The following LRRC7 variants were observed in gnomAD, a reference collection of about 807,000 sequenced individuals.
LRRC7 encodes the protein leucine-rich repeat-containing protein 7.
Under a neutral mutation model 175.7 loss-of-function variants are expected in LRRC7, and 23 were observed. That is an observed-to-expected ratio of 0.13 (90% CI 0.09 to 0.19). The LOEUF (loss-of-function observed/expected upper bound fraction) is 0.19. LRRC7 is among the 10% of genes least tolerant of loss of function. The pLI, the probability that LRRC7 is intolerant of heterozygous loss-of-function variation, is 1.00. For missense variants in LRRC7, 1,354 were observed against 1,904.7 expected (o/e 0.71, Z 5.38); for synonymous variants, 685 against 680.9 (o/e 1.01, Z -0.09).
At chr1:69,751,338 A>C (rs1344249787) in intron 2 of LRRC7, among the ~76,000 whole-genome samples, 1 of 152,158 alleles carries the variant, frequency 6.6e-6, no homozygotes, top group East Asian at 1.9e-4. Flanking sequence ...TATTTATTAC[A>C]TGTCTAGAAA....
chr1:69,760,678 G>C (rs1379868081), intron 3 of LRRC7, among the ~76,000 whole-genome samples: 4 of 151,830 alleles, frequency 2.6e-5, no homozygotes, highest in African/African-American at 9.7e-5. Flanking sequence ...ATAGAGTAGA[G>C]GGTTGAGATC....
At chr1:69,679,950 G>T (rs1302591353) in intron 2 of LRRC7, among the ~76,000 whole-genome samples, 1 of 151,996 alleles carries the variant, frequency 6.6e-6, no homozygotes, top group African/African-American at 2.4e-5. Context: ...TTTATTTATT[G>T]TATATTATGC....
chr1:69,932,249 C>G (rs376060527), intron 8 of LRRC7, among the ~76,000 whole-genome samples: 9 of 152,242 alleles, frequency 5.9e-5, no homozygotes, highest in African/African-American at 1.9e-4. Context: ...TCAAAAAATT[C>G]AATTCATCTA....
intron 2 of LRRC7, among the ~76,000 whole-genome samples, chr1:69,693,640 C>G (rs1662190899): frequency 6.6e-6 from 1 of 152,078 alleles, no homozygotes; most frequent in Non-Finnish European, 1.5e-5. Flanking sequence ...AAATGTTAAT[C>G]TCATCCAAAA....
rs556322805 is a variant in LRRC7, at chr1:69,718,845, G to A, written c.100+40367G>A. On this transcript the variant is annotated intron_variant, in intron 2 of 26. Transcript: ENST00000651989. ...TGAAAATTCTAGGAGAATGATTGAG[G>A]GAAAAAAAGCTTTTGGATATTGCAA... Among the ~76,000 whole-genome samples, 10 of 151,758 alleles carry A rather than the reference G, an allele frequency of 6.6e-5. No homozygotes were observed. The East Asian group carries it at 1.9e-3, about 29-fold the overall frequency.
At chr1:69,923,907 G>A (rs1322800766) in intron 7 of LRRC7, among the ~76,000 whole-genome samples, 14 of 151,758 alleles carry the variant, frequency 9.2e-5, no homozygotes, top group Non-Finnish European at 1.9e-4. Flanking sequence ...TAATGCCTAG[G>A]TTTTCTTCTA....
chr1:69,696,569 G>A (rs1662612803), intron 2 of LRRC7, among the ~76,000 whole-genome samples: 1 of 152,056 alleles, frequency 6.6e-6, no homozygotes. Context: ...AGGGACAGGA[G>A]TGGAATGATA....
intron 23 of LRRC7, among the ~76,000 whole-genome samples, chr1:70,064,020 C>G (rs1180074625): frequency 6.6e-6 from 1 of 151,988 alleles, no homozygotes; most frequent in Non-Finnish European, 1.5e-5. Context: ...ATTGGAGACA[C>G]TGAAGTATAT....
intron 1 of LRRC7, among the ~76,000 whole-genome samples, chr1:69,626,179 G>C (rs959105228): frequency 5.9e-5 from 9 of 151,974 alleles, no homozygotes; most frequent in Admixed American, 2.6e-4. Flanking sequence ...TATTTCTAGG[G>C]TGTAACCCTC....
intron 8 of LRRC7, among the ~76,000 whole-genome samples, chr1:69,959,774 T>C (rs1650860179): frequency 6.6e-6 from 1 of 152,050 alleles, no homozygotes; most frequent in Non-Finnish European, 1.5e-5. Flanking sequence ...AGGGATCAGG[T>C]GAACGGTCTT....
chr1:69,879,212 TAAAAAAAAAA>T (rs201332183), intron 7 of LRRC7, among the ~76,000 whole-genome samples: 2 of 91,958 alleles, frequency 2.2e-5, no homozygotes, highest in Admixed American at 1.3e-4. Flanking sequence ...AAAACTGCTT[TAAAAAAAAAA>T]AAAAAAAAAA....
chr1:69,932,061 A>T (rs1446229538), intron 8 of LRRC7, among the ~76,000 whole-genome samples: 1 of 152,184 alleles, frequency 6.6e-6, no homozygotes, highest in Non-Finnish European at 1.5e-5. Flanking sequence ...GTGAACCCAT[A>T]TTACTACTTC....
At chr1:69,792,186 T>C (rs1379188944) in intron 4 of LRRC7, 26 bp downstream of exon 4, 4 of 1,279,022 alleles carry the variant, frequency 3.1e-6, no homozygotes, top group African/African-American at 3.0e-5. Flanking sequence ...CATCATAAAA[T>C]ACCTAGAATT....
At chr1:69,721,055 A>G (rs1394686389) in intron 2 of LRRC7, among the ~76,000 whole-genome samples, 1 of 151,804 alleles carries the variant, frequency 6.6e-6, no homozygotes. Flanking sequence ...ACTTGAAAAA[A>G]CATAGACTTT....
At chr1:70,031,194 C>A in intron 18 of LRRC7, 1 of 152,290 alleles carries the variant, frequency 6.6e-6, no homozygotes. Flanking sequence ...TCTTGTCCAT[C>A]CTTGTATTGC....
At chr1:69,972,989 T>A (rs1490622458) in intron 8 of LRRC7, among the ~76,000 whole-genome samples, 1 of 144,916 alleles carries the variant, frequency 6.9e-6, no homozygotes, top group Admixed American at 7.0e-5. Flanking sequence ...ACTATATATA[T>A]AAATACTACT....
At chr1:69,702,964 T>G (rs1663557535) in intron 2 of LRRC7, among the ~76,000 whole-genome samples, 2 of 152,082 alleles carry the variant, frequency 1.3e-5, no homozygotes, top group African/African-American at 4.8e-5. Context: ...TAGGATCAAT[T>G]GCAGTGTTTA....
chr1:69,756,703 C>A (rs1399025580), intron 2 of LRRC7, among the ~76,000 whole-genome samples: 5 of 151,484 alleles, frequency 3.3e-5, no homozygotes, highest in Non-Finnish European at 7.4e-5. Flanking sequence ...AAAATAAATC[C>A]TTTTTCAGCA....
chr1:69,619,402 G>A (rs987277850), intron 1 of LRRC7, among the ~76,000 whole-genome samples: 37 of 151,980 alleles, frequency 2.4e-4, no homozygotes, highest in East Asian at 1.9e-4. Flanking sequence ...AAACACCACC[G>A]GTTTCTACTA....
Sources: gnomAD v4.1 joint callset for allele counts (sites outside exome capture counted in the v4.1 genomes callset) on GRCh38, gnomAD v4.1.1 for gene constraint, MANE v1.5 for transcripts, NCBI Gene and HGNC (gene_info 2026-07-23, HGNC 2026-07-21) for gene names.